Variants in KIRREL3 observed in about 807,000 individuals in gnomAD.
The protein encoded by KIRREL3 is kirre like nephrin family adhesion molecule 3.
KIRREL3 carries 36 observed loss-of-function variants against 89.7 expected under a neutral mutation model. The ratio of observed to expected loss-of-function variants is 0.40; its 90% CI spans 0.31 to 0.53. The LOEUF is 0.53. KIRREL3 is among the 20% of genes least tolerant of loss of function. The probability of loss-of-function intolerance (pLI) is 0.49; values close to 1 mark genes in which losing one functional copy is unlikely to be tolerated. For missense variants in KIRREL3, 864 were observed against 1,056.6 expected, an observed-to-expected ratio of 0.82 and a Z score of 2.53; for synonymous variants, 445 against 441.4, an observed-to-expected ratio of 1.01 and a Z score of -0.10.
At chr11:126,435,186 C>T in intron 13 of KIRREL3, 82 bp downstream of exon 13, 1 of 1,441,814 alleles carries the variant, frequency 6.9e-7, no homozygotes, top group East Asian at 2.3e-5. Flanking sequence ...GGCCTCCCTA[C>T]CCCCTGCTGG....
At chr11:126,732,243 T>C (rs1948646114) in intron 1 of KIRREL3, among the ~76,000 whole-genome samples, 1 of 152,222 alleles carries the variant, frequency 6.6e-6, no homozygotes, top group Non-Finnish European at 1.5e-5. Flanking sequence ...AAACTATTAT[T>C]AACAATACAG....
At chr11:126,868,868 G>C (rs1592252558) in intron 1 of KIRREL3, among the ~76,000 whole-genome samples, 1 of 152,060 alleles carries the variant, frequency 6.6e-6, no homozygotes, top group Admixed American at 6.6e-5. Context: ...GGGAGGGCCT[G>C]GTTTCCTGCT....
chr11:126,590,646 G>A (rs902451024), intron 1 of KIRREL3, among the ~76,000 whole-genome samples: 16 of 152,218 alleles, frequency 1.1e-4, no homozygotes, highest in African/African-American at 3.9e-4. Flanking sequence ...TACGGTGAGT[G>A]ATCTGTCCCC....
chr11:126,432,231 C>T lies in KIRREL3; in HGVS notation c.1589-705G>A, dbSNP rs565618507. 2.0e-5 allele frequency among the ~76,000 whole-genome samples: 3 copies of T among 152,086 alleles called. No homozygotes were observed. The South Asian group carries it at 6.2e-4, about 32-fold the overall frequency. ...CCCCTCTGAGCATCCTTGCACCCCT[C>T]CTGGCAAGAGAGGCCCACACACTGG... On this transcript the variant is annotated intron_variant, in intron 13 of 16. Transcript: ENST00000525144. This position sits in a 1 kb window ranked among gnomAD's most constrained non-coding sequence, Gnocchi z 6.2.
chr11:126,935,440 T>C (rs1003441157), intron 1 of KIRREL3: 5 of 152,236 alleles, frequency 3.3e-5, no homozygotes, highest in African/African-American at 9.6e-5. Flanking sequence ...GTTTATAGTA[T>C]TTTCATTCAC....
intron 1 of KIRREL3, among the ~76,000 whole-genome samples, chr11:126,929,969 CGA>C (rs1947876265): frequency 6.6e-6 from 1 of 151,812 alleles, no homozygotes; most frequent in Non-Finnish European, 1.5e-5. Flanking sequence ...CCCACCTCAC[CGA>C]TTCCCAAGTA....
intron 1 of KIRREL3, among the ~76,000 whole-genome samples, chr11:126,600,963 C>T (rs1353305336): frequency 1.3e-5 from 2 of 152,158 alleles, no homozygotes; most frequent in Non-Finnish European, 2.9e-5. Context: ...CTCTCTCTCA[C>T]CCCTCCACGG....
rs1431198138 is a variant in KIRREL3 at position 126,508,118 on chromosome 11, C to T, written c.433+13197G>A. Among the ~76,000 whole-genome samples the T allele has an allele frequency of 6.6e-6, 1 of 152,212 alleles. No individual in the cohort carries two copies. The highest frequency in any genetic ancestry group is 1.5e-5 in the Non-Finnish European group (1 of 68,046). On this transcript the variant is annotated intron_variant, in intron 4 of 16. Coordinates refer to ENST00000525144, the MANE Select transcript of KIRREL3 (RefSeq NM_032531.4). This position sits in a 1 kb window ranked among gnomAD's most constrained non-coding sequence, Gnocchi z 4.9. The stretch of plus-strand genomic sequence containing the variant: ...TGCACCACTGAAGCTGCTGGGTGAT[C>T]TCTCAGCTGCTAACATTGTTTCTGA...
chr11:126,999,692 C>A lies in KIRREL3; in HGVS notation c.55+763G>T, dbSNP rs1950267948. On this transcript the variant is annotated intron_variant, in intron 1 of 16. Coordinates refer to ENST00000525144, the MANE Select transcript of KIRREL3 (RefSeq NM_032531.4). The surrounding 1 kb of genome is among the most constrained non-coding windows in gnomAD (Gnocchi z 5.7). ...CCGAATTTCCCTCTCCTTTCTGCAC[C>A]ACTACCAGCCCCAGGGCTCCCAGTG... Among the ~76,000 whole-genome samples the A allele has an allele frequency of 1.3e-5, 2 of 152,232 alleles. No homozygotes were observed. The highest frequency in any genetic ancestry group is 2.9e-5 in the Non-Finnish European group (2 of 68,038).
At chr11:126,572,091 G>A in intron 1 of KIRREL3, among the ~76,000 whole-genome samples, 1 of 152,214 alleles carries the variant, frequency 6.6e-6, no homozygotes, top group East Asian at 1.9e-4. Context: ...GGGAGGCTCA[G>A]CCTGGTCCAT....
At position 126,940,242 on chromosome 11, in the gene KIRREL3, A is replaced by T. The variant is rs968305330; in HGVS notation, c.55+60213T>A. On this transcript the variant is annotated intron_variant, in intron 1 of 16. Coordinates refer to ENST00000525144, the MANE Select transcript of KIRREL3 (RefSeq NM_032531.4). The surrounding 1 kb of genome is among the most constrained non-coding windows in gnomAD (Gnocchi z 4.6). ...TCTCTCATCAAAAGCATCATAACTC[A>T]TTTAACATTGAGCCTATATCTTTTT... Among the ~76,000 whole-genome samples, 4 of 152,212 alleles carry T rather than the reference A, an allele frequency of 2.6e-5. No individual in the cohort carries two copies. Among genetic ancestry groups the T allele is most frequent in the African/African-American group, 9.6e-5 (4 of 41,470 alleles).
intron 1 of KIRREL3, among the ~76,000 whole-genome samples, chr11:126,588,122 C>T (rs1941956783): frequency 6.6e-6 from 1 of 152,304 alleles, no homozygotes; most frequent in Non-Finnish European, 1.5e-5. Context: ...GCAAAATGGG[C>T]TTTATTGTTC....
intron 1 of KIRREL3, among the ~76,000 whole-genome samples, chr11:126,597,249 G>C (rs756012194): frequency 6.6e-6 from 1 of 152,202 alleles, no homozygotes; most frequent in African/African-American, 2.4e-5. Context: ...GCCAGAGCCC[G>C]CCTGTCACTC....
intron 1 of KIRREL3, among the ~76,000 whole-genome samples, chr11:126,862,324 C>T (rs748086012): frequency 3.9e-5 from 6 of 152,214 alleles, no homozygotes; most frequent in African/African-American, 7.2e-5. Flanking sequence ...AACCTTCCCA[C>T]GTCATTTGCA....
At chr11:126,467,596 C>T (rs1374525341) in intron 5 of KIRREL3, among the ~76,000 whole-genome samples, 3 of 152,046 alleles carry the variant, frequency 2.0e-5, no homozygotes, top group African/African-American at 7.2e-5. Flanking sequence ...CCTCGCTTCT[C>T]CCCGCTACTC....
Position 126,478,632 on chromosome 11 carries a change from C to T in KIRREL3, c.434-5166G>A, listed in dbSNP as rs111844860. Among the ~76,000 whole-genome samples, 734 of 147,604 alleles carry T rather than the reference C, an allele frequency of 5.0e-3. 7 individuals are homozygous for T. Among genetic ancestry groups the T allele is most frequent in the African/African-American group, 0.018 (698 of 38,688 alleles). ...ATGTATATGTGTGTATGTGTGTATG[C>T]GTGTGTATGTGTGTATGTATGTGTA... On this transcript the variant is annotated intron_variant, in intron 4 of 16. Coordinates refer to ENST00000525144, the MANE Select transcript of KIRREL3 (RefSeq NM_032531.4).
chr11:126,874,673 G>T lies in KIRREL3; in HGVS notation c.55+125782C>A, dbSNP rs543423387. On this transcript the variant is annotated intron_variant, in intron 1 of 16. Coordinates refer to ENST00000525144, the MANE Select transcript of KIRREL3 (RefSeq NM_032531.4). ...ATTATTTTCTTAATGTGGGAACTGG[G>T]TCAACCCTCTACAAAATGTTTCCTC... Among the ~76,000 whole-genome samples, 6 of 152,284 alleles carry T rather than the reference G, an allele frequency of 3.9e-5. No homozygotes were observed. The South Asian group carries it at 6.2e-4, about 16-fold the overall frequency.
chr11:126,545,943 T>C (rs1309498031), intron 2 of KIRREL3, among the ~76,000 whole-genome samples: 2 of 152,240 alleles, frequency 1.3e-5, no homozygotes, highest in Non-Finnish European at 2.9e-5. Context: ...GCTCTGCTAT[T>C]TCCTAGCTGT....
chr11:126,949,866 C>T (rs1948727953), intron 1 of KIRREL3, among the ~76,000 whole-genome samples: 1 of 152,320 alleles, frequency 6.6e-6, no homozygotes, highest in African/African-American at 2.4e-5. Context: ...GCCCTTTCCT[C>T]TAAAGCATCC....
Sources: allele counts gnomAD v4.1 joint callset (sites outside exome capture counted in the v4.1 genomes callset), GRCh38; gene constraint gnomAD v4.1.1; non-coding constraint Gnocchi (gnomAD v3.1); transcripts MANE v1.5; gene names NCBI Gene and HGNC (gene_info 2026-07-23, HGNC 2026-07-21).